FAM168A: variants seen among roughly 807,000 people sequenced by gnomAD.
FAM168A encodes the protein family with sequence similarity 168 member A.
In FAM168A, 3 loss-of-function variants were observed where a neutral mutation model predicts 28.5. That is an observed-to-expected ratio of 0.11 (90% CI 0.05 to 0.27). The LOEUF (loss-of-function observed/expected upper bound fraction) is 0.27. Among genes scored for constraint, FAM168A ranks in the 10% least tolerant of loss-of-function variants. The probability of loss-of-function intolerance (pLI) is 1.00; values close to 1 mark genes in which losing one functional copy is unlikely to be tolerated. For synonymous variants in FAM168A, 122 were observed against 124.2 expected (o/e 0.98, Z 0.12); for missense variants, 222 against 311.5 (o/e 0.71, Z 2.16).
intron 2 of FAM168A, among the ~76,000 whole-genome samples, chr11:73,454,077 GACTGTC>G (rs959447017): frequency 3.9e-5 from 6 of 152,178 alleles, no homozygotes; most frequent in Non-Finnish European, 5.9e-5. Flanking sequence ...AGAAGCCCTG[GACTGTC>G]ACTGTAGGAG....
chr11:73,455,002 C>G (rs1381271734), intron 2 of FAM168A, among the ~76,000 whole-genome samples: 1 of 152,198 alleles, frequency 6.6e-6, no homozygotes, highest in South Asian at 2.1e-4. Context: ...TTTGCACTCG[C>G]TGGTGGAAGG....
chr11:73,408,780 CAAA>C (rs61669430), intron 6 of FAM168A, among the ~76,000 whole-genome samples: 2 of 97,378 alleles, frequency 2.1e-5, no homozygotes, highest in Non-Finnish European at 4.2e-5. Context: ...GACCCTGTCT[CAAA>C]AAAAAAAAAA....
chr11:73,434,544 T>A (rs1867055777), intron 2 of FAM168A, among the ~76,000 whole-genome samples: 1 of 152,132 alleles, frequency 6.6e-6, no homozygotes, highest in African/African-American at 2.4e-5. Flanking sequence ...TGACAGCATA[T>A]GGGACAATGT....
chr11:73,445,419 C>CTCTCTCTTTTTTTTTTTTTTTTTTTTTT (rs776745757), intron 2 of FAM168A, among the ~76,000 whole-genome samples: 1 of 50,432 alleles, frequency 2.0e-5, no homozygotes, highest in African/African-American at 7.1e-5. Flanking sequence ...AAAAATGTCT[C>CTCTCTCTTTTTTTTTTTTTTTTTTTTTT]TTTTTTTTTT....
chr11:73,473,508 G>A (rs1867843656), intron 1 of FAM168A, among the ~76,000 whole-genome samples: 1 of 152,174 alleles, frequency 6.6e-6, no homozygotes, highest in African/African-American at 2.4e-5. Flanking sequence ...ATAACTATAT[G>A]ATATGGCCTG....
At chr11:73,455,398 G>A (rs1232424113) in intron 2 of FAM168A, among the ~76,000 whole-genome samples, 2 of 152,200 alleles carry the variant, frequency 1.3e-5, no homozygotes, top group South Asian at 2.1e-4. Context: ...GTCCAGCAAA[G>A]GGGTCAAGAA....
rs555459237 is a variant in FAM168A, at chr11:73,498,727, C to A, written c.-18-30235G>T. ...TTGGTCCCAAGACTTGTCCCACAGCCCAACACACAGGCTGTGGCAGTCTGT... is the reference window on the plus strand; with the variant it reads ...TTGGTCCCAAGACTTGTCCCACAGCACAACACACAGGCTGTGGCAGTCTGT... On this transcript the variant is annotated intron_variant, in intron 1 of 7. Coordinates refer to ENST00000356467, the MANE Select transcript of FAM168A (RefSeq NM_015159.3). Among the ~76,000 whole-genome samples the A allele has an allele frequency of 5.9e-5, 9 of 152,296 alleles. No individual in the cohort carries two copies. The South Asian group carries it at 1.4e-3, about 25-fold the overall frequency.
intron 1 of FAM168A, among the ~76,000 whole-genome samples, chr11:73,488,292 G>A (rs1189668520): frequency 2.0e-5 from 3 of 151,832 alleles, no homozygotes; most frequent in Admixed American, 2.0e-4. Context: ...CACCGTACTT[G>A]GCTAATGTTT....
rs373289724 is a variant in FAM168A at position 73,538,340 on chromosome 11, A to C, written c.-19+59583T>G. Among the ~76,000 whole-genome samples the C allele has an allele frequency of 9.7e-3, 1,479 of 151,712 alleles. 31 individuals carry two copies. The highest frequency in any genetic ancestry group is 0.033 in the African/African-American group (1,380 of 41,336). On this transcript the variant is annotated intron_variant, in intron 1 of 7. Coordinates refer to ENST00000356467, the MANE Select transcript of FAM168A (RefSeq NM_015159.3). ...ATGGATGCAGGTTCCAAAACAAAAA[A>C]CAAAAAAAAAAAAGAGAGAGAGAGA... is the stretch of plus-strand genomic sequence containing the variant.
chr11:73,421,400 A>C (rs1866790940), intron 3 of FAM168A, among the ~76,000 whole-genome samples: 1 of 152,194 alleles, frequency 6.6e-6, no homozygotes, highest in Non-Finnish European at 1.5e-5. Context: ...CATTTGCATT[A>C]ATGGCCAGCA....
At chr11:73,563,943 G>C (rs1436095936) in intron 1 of FAM168A, among the ~76,000 whole-genome samples, 1 of 152,162 alleles carries the variant, frequency 6.6e-6, no homozygotes, top group African/African-American at 2.4e-5. Context: ...TATGGTGGAG[G>C]CTCAATTCAG....
intron 1 of FAM168A, among the ~76,000 whole-genome samples, chr11:73,544,040 G>A (rs2134680854): frequency 6.6e-6 from 1 of 152,288 alleles, no homozygotes. Flanking sequence ...GCTGAGGCAG[G>A]AGGATCACTT....
At chr11:73,496,906 C>T (rs990586955) in intron 1 of FAM168A, among the ~76,000 whole-genome samples, 10 of 145,768 alleles carry the variant, frequency 6.9e-5, no homozygotes, top group Middle Eastern at 3.4e-3. Context: ...CACACACACA[C>T]GCACACACAC....
At chr11:73,547,097 A>AAAAG (rs1390149567) in intron 1 of FAM168A, among the ~76,000 whole-genome samples, 1 of 151,036 alleles carries the variant, frequency 6.6e-6, no homozygotes, top group African/African-American at 2.4e-5. Flanking sequence ...AAAAAAAAAA[A>AAAAG]AAAGAAAGAA....
chr11:73,481,068 TC>T (rs1225405047), intron 1 of FAM168A, among the ~76,000 whole-genome samples: 8 of 151,334 alleles, frequency 5.3e-5, no homozygotes, highest in Non-Finnish European at 7.3e-5. Flanking sequence ...CTTCCCTCTA[TC>T]CCTCAGTCTG....
intron 2 of FAM168A, among the ~76,000 whole-genome samples, chr11:73,464,643 G>A (rs971856070): frequency 6.6e-6 from 1 of 152,172 alleles, no homozygotes; most frequent in African/African-American, 2.4e-5. Flanking sequence ...GGGGAGACAT[G>A]GGTTCCAGAC....
rs189660507 is a variant in FAM168A, at chr11:73,515,898, C to T, written c.-18-47406G>A. ...CGGGCGGATCACAAGGTCAGGAGAT[C>T]GAGACCATCCTGGCCAACGTGGTGA... On this transcript the variant is annotated intron_variant, in intron 1 of 7. Coordinates refer to ENST00000356467, the MANE Select transcript of FAM168A (RefSeq NM_015159.3). Among the ~76,000 whole-genome samples, 61 of 151,954 alleles carry T rather than the reference C, an allele frequency of 4.0e-4. 1 individual carries two copies. Among genetic ancestry groups the T allele is most frequent in the African/African-American group, 1.4e-3 (59 of 41,456 alleles).
chr11:73,419,099 C>A (rs369253493), intron 4 of FAM168A, among the ~76,000 whole-genome samples: 1 of 152,144 alleles, frequency 6.6e-6, no homozygotes, highest in Non-Finnish European at 1.5e-5. Context: ...CATGAGCCAC[C>A]GCGCCCGGCT....
At chr11:73,508,468 G>A (rs1040113228) in intron 1 of FAM168A, among the ~76,000 whole-genome samples, 1 of 152,182 alleles carries the variant, frequency 6.6e-6, no homozygotes, top group Non-Finnish European at 1.5e-5. Context: ...TCAGAAAGGT[G>A]AGGCCTGGGG....
Sources: gnomAD v4.1 joint callset for allele counts (sites outside exome capture counted in the v4.1 genomes callset) on GRCh38, gnomAD v4.1.1 for gene constraint, MANE v1.5 for transcripts, NCBI Gene and HGNC (gene_info 2026-07-23, HGNC 2026-07-21) for gene names.